TTYH3: variants seen among roughly 807,000 people sequenced by gnomAD.
TTYH3 encodes protein tweety homolog 3.
A neutral mutation model predicts 68.2 loss-of-function variants in TTYH3; 23 were observed. That is an observed-to-expected ratio of 0.34 (90% confidence interval 0.24 to 0.48). The LOEUF (loss-of-function observed/expected upper bound fraction) is 0.48. Ranked by LOEUF, TTYH3 falls within the 20% of genes least tolerant of loss-of-function variation. The probability of loss-of-function intolerance (pLI) is 0.99; values close to 1 mark genes in which losing one functional copy is unlikely to be tolerated. For synonymous variants in TTYH3, 360 were observed against 332.8 expected (o/e 1.08, Z -0.89); for missense variants, 768 against 727.7 (o/e 1.06, Z -0.64).
chr7:2,660,632 C>T (rs1786470449), intron 13 of TTYH3: 1 of 878,744 alleles, frequency 1.1e-6, no homozygotes, highest in African/African-American at 1.8e-5. Flanking sequence ...GCCGTGGCTC[C>T]TCCCCCCACC....
At chr7:2,659,115 G>A (rs1786421180) in intron 13 of TTYH3, 100 bp downstream of exon 13, 2 of 1,218,044 alleles carry the variant, frequency 1.6e-6, no homozygotes, top group Non-Finnish European at 2.4e-6. Context: ...CAGCCAGTGT[G>A]AGCTCTGGGG....
intron 5 of TTYH3, 182 bp downstream of exon 5, chr7:2,648,236 C>G (rs758779073): frequency 6.6e-6 from 4 of 606,508 alleles, no homozygotes; most frequent in African/African-American, 1.9e-5. Flanking sequence ...TGGCCTGTGC[C>G]CCTGTGGCCA....
chr7:2,633,910 C>T (rs564976276), intron 1 of TTYH3, among the ~76,000 whole-genome samples: 7 of 152,302 alleles, frequency 4.6e-5, no homozygotes, highest in Non-Finnish European at 8.8e-5. Flanking sequence ...GAGTGAGGGG[C>T]GATGATGTCT....
Position 2,647,167 on chromosome 7 carries a change from G to A in TTYH3, c.319G>A (p.Gly107Ser). ...CGCCGGCATCGCAGTGGGATTCTAC[G>A]GCAACGGGGAGACCAGTGATGGCAT... Reference protein sequence around the residue: ...CSAGIAVGFYGNGETSDGIHR... With the variant: ...CSAGIAVGFYSNGETSDGIHR... The change falls in exon 3 of 14, where the codon GGC (glycine) becomes AGC (serine). Residue 107 changes from glycine to serine, a missense_variant. Physicochemically the swap from Gly to Ser is moderately conservative, Grantham distance 56 (BLOSUM62 0). Transcript: ENST00000258796. 2 of 1,606,462 alleles carry A rather than the reference G, an allele frequency of 1.2e-6. No homozygotes were observed. The highest frequency in any genetic ancestry group is 1.7e-6 in the Non-Finnish European group (2 of 1,177,948).
intron 12 of TTYH3, 21 bp downstream of exon 12, chr7:2,658,480 TG>T: frequency 1.9e-6 from 3 of 1,594,174 alleles, no homozygotes; most frequent in Non-Finnish European, 2.6e-6. Flanking sequence ...GTGGGCCTAG[TG>T]GGGCCAGCGG....
rs1476144441 is a variant in TTYH3 at position 2,656,395 on chromosome 7, C to T, written c.1114-3C>T. On this transcript the variant is annotated splice_polypyrimidine_tract_variant and splice_region_variant and intron_variant, in intron 10 of 13. Coordinates refer to ENST00000258796, the MANE Select transcript of TTYH3 (RefSeq NM_025250.3). Reference sequence around the variant, plus strand: ...ATCCTGCCATCTCATCCCACGGCCTCAGGACTACGTGCAAGCGCTGACCGG... The same window carrying T: ...ATCCTGCCATCTCATCCCACGGCCTTAGGACTACGTGCAAGCGCTGACCGG... 6.2e-7 allele frequency: 1 copy of T among 1,608,342 alleles called. No homozygotes were observed. Among genetic ancestry groups the T allele is most frequent in the South Asian group, 1.1e-5 (1 of 90,804 alleles).
chr7:2,642,898 A>G (rs996744006), intron 1 of TTYH3, among the ~76,000 whole-genome samples: 5 of 150,852 alleles, frequency 3.3e-5, no homozygotes, highest in Admixed American at 2.6e-4. Flanking sequence ...ACCCATCTCT[A>G]CTGAAAATAC....
chr7:2,657,394 G>T (rs1204418830), intron 11 of TTYH3, among the ~76,000 whole-genome samples: 1 of 143,498 alleles, frequency 7.0e-6, no homozygotes, highest in Non-Finnish European at 1.5e-5. Flanking sequence ...TGATGGTGAT[G>T]ATGGTGGTGG....
At chr7:2,653,270 C>T (rs957065291) in intron 9 of TTYH3, among the ~76,000 whole-genome samples, 1 of 152,148 alleles carries the variant, frequency 6.6e-6, no homozygotes. Flanking sequence ...TTTTAAAAAT[C>T]ATTTCTTTTG....
At chr7:2,641,917 G>T (rs373192144) in intron 1 of TTYH3, among the ~76,000 whole-genome samples, 1 of 152,250 alleles carries the variant, frequency 6.6e-6, no homozygotes, top group Non-Finnish European at 1.5e-5. Context: ...CTGCATGCTC[G>T]CAGTGGTGGG....
At chr7:2,634,845 C>G (rs1464113651) in intron 1 of TTYH3, among the ~76,000 whole-genome samples, 2 of 152,162 alleles carry the variant, frequency 1.3e-5, no homozygotes, top group Non-Finnish European at 2.9e-5. Context: ...GGGCCGCAGC[C>G]CTGCTGTAGG....
Position 2,649,611 on chromosome 7 carries a change from C to A in TTYH3, c.767C>A (p.Ala256Glu). ...GVLALVISWG[A>E]LGLELAVSVG... ...CTGGCCCTGGTCATCAGCTGGGGCG[C>A]GCTGGGCTTGGAGCTGGCTGTGTCC... Residue 256 changes from alanine (A) to glutamate (E), a missense_variant, in exon 6 of 14, where the codon GCG becomes GAG. Ala to Glu is a moderately radical substitution (Grantham distance 107). Coordinates refer to ENST00000258796, the MANE Select transcript of TTYH3 (RefSeq NM_025250.3). 1 of 1,599,118 alleles carries A rather than the reference C, an allele frequency of 6.3e-7. No homozygotes were observed. The highest frequency in any genetic ancestry group is 8.5e-7 in the Non-Finnish European group (1 of 1,177,408).
In TTYH3 at chr7:2,657,338, GTGATGGTGATGGTGGTGA is replaced by G. The variant is rs1197473111; in HGVS notation, c.1250+822_1250+839del. Among the ~76,000 whole-genome samples, 541 of 151,960 alleles carry G rather than the reference GTGATGGTGATGGTGGTGA, an allele frequency of 3.6e-3. 5 individuals carry two copies. The highest frequency in any genetic ancestry group is 0.013 in the African/African-American group (520 of 41,422). ...GGTGATGGTGATGGTGGTAATGATG[GTGATGGTGATGGTGGTGA>G]TGATGGTGATGGTGGTGGTGATGGT... On this transcript the variant is annotated intron_variant, in intron 11 of 13. Transcript: ENST00000258796.
At chr7:2,639,058 C>T (rs1266793230) in intron 1 of TTYH3, among the ~76,000 whole-genome samples, 1 of 152,158 alleles carries the variant, frequency 6.6e-6, no homozygotes, top group East Asian at 1.9e-4. Flanking sequence ...GGCCAGAACC[C>T]CTCGGTCTGC....
At position 2,661,889 on chromosome 7, in the gene TTYH3, C is replaced by T; in HGVS notation, c.*150C>T. The T allele has an allele frequency of 1.2e-6, 1 of 821,668 alleles. No homozygotes were observed. The highest frequency in any genetic ancestry group is 1.9e-6 in the Non-Finnish European group (1 of 514,488). 50.9% of individuals were successfully genotyped at this position (821,668 alleles called of 1,614,324 possible). On this transcript the variant is annotated 3_prime_UTR_variant, in exon 14 of 14. Coordinates refer to ENST00000258796, the MANE Select transcript of TTYH3 (RefSeq NM_025250.3). ...CAGGCCGCTTGCCCTCCTGTCCCCT[C>T]CCCGCAGGGGCACAGTGGAGACGCA...
chr7:2,657,947 C>T (rs1786382632), intron 11 of TTYH3, among the ~76,000 whole-genome samples: 1 of 152,198 alleles, frequency 6.6e-6, no homozygotes, highest in Non-Finnish European at 1.5e-5. Flanking sequence ...GCACCCCAGC[C>T]TCCTGTGCCT....
chr7:2,654,655 C>G (rs1786284209), intron 9 of TTYH3, among the ~76,000 whole-genome samples: 1 of 152,204 alleles, frequency 6.6e-6, no homozygotes, highest in Non-Finnish European at 1.5e-5. Flanking sequence ...TTTATCATCT[C>G]ACAGCTCTTG....
chr7:2,632,364 G>C, intron 1 of TTYH3, 86 bp downstream of exon 1: 2 of 1,337,538 alleles, frequency 1.5e-6, no homozygotes, highest in Non-Finnish European at 2.0e-6. Context: ...CCATCCCCGA[G>C]GGCCTAAAGA....
Position 2,647,711 on chromosome 7 carries a change from C to T in TTYH3, c.626+73C>T, listed in dbSNP as rs1199099232. ...CCCTCCTTGGGCCAATTTTTGCTCT[C>T]AGCACCTAGTACATGAGGCCTGATG... On this transcript the variant is annotated intron_variant, in intron 4 of 13. Transcript: ENST00000258796. The T allele has an allele frequency of 2.0e-6, 3 of 1,465,312 alleles. No individual in the cohort carries two copies. In the African/African-American group the frequency reaches 4.2e-5, roughly 20 times the overall value. 90.8% of individuals were successfully genotyped at this position (1,465,312 alleles called of 1,614,324 possible).
Sources: gnomAD v4.1 joint callset for allele counts (sites outside exome capture counted in the v4.1 genomes callset) on GRCh38, gnomAD v4.1.1 for gene constraint, MANE v1.5 for transcripts, NCBI Gene and HGNC (gene_info 2026-07-23, HGNC 2026-07-21) for gene names.